Variants in LRRC49 observed in about 807,000 individuals in gnomAD.
LRRC49 encodes the protein leucine-rich repeat-containing protein 49.
Under a neutral mutation model 83.3 loss-of-function variants are expected in LRRC49, and 50 were observed. That is an observed-to-expected ratio of 0.60 (90% confidence interval 0.48 to 0.76). The LOEUF (loss-of-function observed/expected upper bound fraction) is 0.76, where lower values mean the gene tolerates loss of function less well. Among genes scored for constraint, LRRC49 ranks in the 30% least tolerant of loss-of-function variants. The probability of loss-of-function intolerance (pLI) is 0.00; values close to 1 mark genes in which losing one functional copy is unlikely to be tolerated. For synonymous variants in LRRC49, 286 were observed against 283.3 expected (o/e 1.01, Z -0.10); for missense variants, 704 against 809.1 (o/e 0.87, Z 1.58).
At chr15:70,878,425 C>T (rs1436736966) in intron 2 of LRRC49, among the ~76,000 whole-genome samples, 1 of 152,128 alleles carries the variant, frequency 6.6e-6, no homozygotes, top group Non-Finnish European at 1.5e-5. Flanking sequence ...GCCATTTCTT[C>T]CTTTTTGCCT....
chr15:71,028,199 T>C (rs1197272835), intron 14 of LRRC49, among the ~76,000 whole-genome samples: 2 of 152,232 alleles, frequency 1.3e-5, no homozygotes, highest in East Asian at 3.8e-4. Context: ...TCTGTTGAGA[T>C]AATCATATGG....
chr15:70,939,837 T>C (rs2035738776), intron 8 of LRRC49, among the ~76,000 whole-genome samples: 1 of 151,540 alleles, frequency 6.6e-6, no homozygotes, highest in South Asian at 2.1e-4. Flanking sequence ...CACTGAAAAT[T>C]TTAAACTAGG....
At chr15:71,027,700 A>G (rs1419369352) in intron 14 of LRRC49, among the ~76,000 whole-genome samples, 1 of 152,104 alleles carries the variant, frequency 6.6e-6, no homozygotes, top group East Asian at 1.9e-4. Flanking sequence ...TTCTCTTTGT[A>G]GCAATTGTGA....
chr15:70,985,974 G>C (rs1235388291), intron 11 of LRRC49, among the ~76,000 whole-genome samples: 2 of 149,384 alleles, frequency 1.3e-5, no homozygotes, highest in Non-Finnish European at 3.0e-5. Context: ...GCTCTGTTCT[G>C]TTCCATTGAT....
intron 11 of LRRC49, among the ~76,000 whole-genome samples, chr15:70,986,829 G>A (rs1272328180): frequency 3.3e-5 from 5 of 152,170 alleles, no homozygotes. Context: ...AATTTATTGA[G>A]AGTTTTTAGC....
chr15:70,900,225 G>T, intron 3 of LRRC49: 1 of 252,550 alleles, frequency 4.0e-6, no homozygotes, highest in Non-Finnish European at 7.9e-6. Flanking sequence ...CTACATAATG[G>T]CAAGGACACC....
rs190184637 is a variant in LRRC49, at chr15:70,945,713, G to T, written c.773+8891G>T. Among the ~76,000 whole-genome samples, 144 of 151,186 alleles carry T rather than the reference G, an allele frequency of 9.5e-4. 3 individuals carry two copies. In the East Asian group the frequency reaches 0.023, roughly 24 times the overall value. On this transcript the variant is annotated intron_variant, in intron 8 of 15. Coordinates refer to ENST00000260382, the MANE Select transcript of LRRC49 (RefSeq NM_017691.5). ...ATTGCCTGACCATTAAGGGCATTGGGCTTGGTTAAAAGAGGAGGGTATTTT... is the reference window on the plus strand; with the variant it reads ...ATTGCCTGACCATTAAGGGCATTGGTCTTGGTTAAAAGAGGAGGGTATTTT...
chr15:71,030,658 A>G (rs899176406), intron 14 of LRRC49, among the ~76,000 whole-genome samples: 2 of 152,124 alleles, frequency 1.3e-5, no homozygotes, highest in Non-Finnish European at 2.9e-5. Flanking sequence ...TACACCAATC[A>G]ATCGTAGGTT....
chr15:70,857,964 C>G (rs1218386588), intron 1 of LRRC49, among the ~76,000 whole-genome samples: 2 of 152,180 alleles, frequency 1.3e-5, no homozygotes, highest in African/African-American at 4.8e-5. Flanking sequence ...ACAGATAAAA[C>G]TAGGTTGTTT....
intron 1 of LRRC49, among the ~76,000 whole-genome samples, chr15:70,854,918 A>G (rs2032613744): frequency 6.6e-6 from 1 of 152,186 alleles, no homozygotes; most frequent in Non-Finnish European, 1.5e-5. Context: ...TGAATGAATA[A>G]AGGGAGCTAT....
At chr15:71,042,572 A>G (rs1354008298) in intron 15 of LRRC49, among the ~76,000 whole-genome samples, 4 of 152,170 alleles carry the variant, frequency 2.6e-5, no homozygotes, top group Non-Finnish European at 5.9e-5. Flanking sequence ...CACTTATACC[A>G]TGCTCCTTAC....
At chr15:70,858,110 G>A (rs1279454813) in intron 1 of LRRC49, among the ~76,000 whole-genome samples, 1 of 152,234 alleles carries the variant, frequency 6.6e-6, no homozygotes, top group Non-Finnish European at 1.5e-5. Flanking sequence ...TCCAGTTGCT[G>A]AGTATGTATA....
intron 2 of LRRC49, chr15:70,894,736 A>G (rs922379656): frequency 3.5e-6 from 2 of 566,228 alleles, no homozygotes; most frequent in African/African-American, 4.0e-5. Context: ...CAGAGTTCAC[A>G]CATAACAGCA....
In LRRC49 at chr15:70,870,938, A is replaced by G. The variant is rs939147785; in HGVS notation, c.-298-1970A>G. On this transcript the variant is annotated intron_variant, in intron 1 of 16. Coordinates refer to the LRRC49 transcript ENST00000544974. ...TTTGAGGGCAGGGACTGATTCTGCC[A>G]TGCTTAGTTTTTTTTTTTTTTTTTT... 5.0e-5 allele frequency among the ~76,000 whole-genome samples: 6 copies of G among 119,110 alleles called. No homozygotes were observed. The Admixed American group carries it at 6.1e-4, about 12-fold the overall frequency. The allele number at this position is 119,110 out of a possible 152,430, so 78.1% of individuals were successfully genotyped here. A position where few individuals can be genotyped will look rare whatever the true frequency, so the allele number is the denominator to read the frequency against.
chr15:71,006,651 G>C (rs558334894), intron 11 of LRRC49, among the ~76,000 whole-genome samples: 15 of 152,234 alleles, frequency 9.9e-5, no homozygotes, highest in Non-Finnish European at 2.1e-4. Flanking sequence ...TAGGCTAGGA[G>C]CTGTACTAGA....
At chr15:71,031,307 T>A (rs1456752595) in intron 14 of LRRC49, among the ~76,000 whole-genome samples, 3 of 151,830 alleles carry the variant, frequency 2.0e-5, no homozygotes, top group Non-Finnish European at 4.4e-5. Flanking sequence ...CCTGTTCACC[T>A]GGGTATCACC....
intron 15 of LRRC49, among the ~76,000 whole-genome samples, chr15:71,045,345 G>T (rs936184716): frequency 6.6e-6 from 1 of 151,982 alleles, no homozygotes; most frequent in Non-Finnish European, 1.5e-5. Context: ...TATTAGCATC[G>T]TACCATACAG....
chr15:71,019,988 A>G (rs1370921390), intron 14 of LRRC49, among the ~76,000 whole-genome samples: 1 of 152,192 alleles, frequency 6.6e-6, no homozygotes, highest in Non-Finnish European at 1.5e-5. Flanking sequence ...GATTACAGAA[A>G]CAGACCCATG....
At chr15:70,932,540 T>C (rs1162725626) in intron 7 of LRRC49, among the ~76,000 whole-genome samples, 1 of 152,072 alleles carries the variant, frequency 6.6e-6, no homozygotes, top group Non-Finnish European at 1.5e-5. Flanking sequence ...ATGATTTTAT[T>C]ATAGACATCT....
Sources: allele counts gnomAD v4.1 joint callset (sites outside exome capture counted in the v4.1 genomes callset), GRCh38; gene constraint gnomAD v4.1.1; transcripts MANE v1.5; gene names NCBI Gene and HGNC (gene_info 2026-07-23, HGNC 2026-07-21).